Variants in RABGAP1L observed in about 807,000 individuals in gnomAD.
RABGAP1L encodes the protein RAB GTPase activating protein 1 like.
A neutral mutation model predicts 137.7 loss-of-function variants in RABGAP1L; 63 were observed. The ratio of observed to expected loss-of-function variants is 0.46; its 90% CI spans 0.37 to 0.56. The LOEUF is 0.56. Among genes scored for constraint, RABGAP1L ranks in the 20% least tolerant of loss-of-function variants. The pLI is 0.00. For missense variants in RABGAP1L, 1,095 were observed against 1,244.0 expected (o/e 0.88, Z 1.80); for synonymous variants, 431 against 433.7 (o/e 0.99, Z 0.08).
intron 13 of RABGAP1L, among the ~76,000 whole-genome samples, chr1:174,495,727 G>T (rs991844666): frequency 2.0e-5 from 3 of 151,984 alleles, no homozygotes; most frequent in Non-Finnish European, 2.9e-5. Context: ...TTTTTAATTA[G>T]TTATAGTAAT....
chr1:174,482,554 A>C (rs1377637136), intron 13 of RABGAP1L, among the ~76,000 whole-genome samples: 1 of 152,208 alleles, frequency 6.6e-6, no homozygotes, highest in Non-Finnish European at 1.5e-5. Flanking sequence ...GCAGTGGCAC[A>C]ATCTGGGCTC....
At chr1:174,318,716 C>G (rs1400936226) in intron 11 of RABGAP1L, among the ~76,000 whole-genome samples, 5 of 150,180 alleles carry the variant, frequency 3.3e-5, no homozygotes, top group South Asian at 2.1e-4. Flanking sequence ...TTTATAATGG[C>G]ATACTTTATT....
chr1:174,774,324 C>T (rs566437601), intron 18 of RABGAP1L, among the ~76,000 whole-genome samples: 1 of 152,238 alleles, frequency 6.6e-6, no homozygotes, highest in African/African-American at 2.4e-5. Context: ...AGAGCCATGG[C>T]TCATGCCTGT....
chr1:174,939,869 C>G (rs944825270), intron 19 of RABGAP1L, among the ~76,000 whole-genome samples: 1 of 152,236 alleles, frequency 6.6e-6, no homozygotes, highest in Non-Finnish European at 1.5e-5. Context: ...TAGTCTTTAT[C>G]TGTTTCTTTT....
chr1:174,396,551 AG>A (rs1274345508), intron 13 of RABGAP1L, among the ~76,000 whole-genome samples: 1 of 151,974 alleles, frequency 6.6e-6, no homozygotes, highest in African/African-American at 2.4e-5. Flanking sequence ...AAATTTTCAG[AG>A]ATCATAACTC....
intron 14 of RABGAP1L, among the ~76,000 whole-genome samples, chr1:174,656,372 C>T (rs188266071): frequency 1.3e-5 from 2 of 151,824 alleles, no homozygotes; most frequent in African/African-American, 4.8e-5. Context: ...GCAGGAGAAT[C>T]ACTTAAACCT....
chr1:174,601,957 G>T (rs544176475), intron 13 of RABGAP1L, among the ~76,000 whole-genome samples: 1 of 152,062 alleles, frequency 6.6e-6, no homozygotes, highest in African/African-American at 2.4e-5. Flanking sequence ...CTGAGACCAC[G>T]TAAGCCTGGA....
chr1:174,468,151 T>C (rs537745184), intron 13 of RABGAP1L, among the ~76,000 whole-genome samples: 1 of 152,128 alleles, frequency 6.6e-6, no homozygotes, highest in Non-Finnish European at 1.5e-5. Context: ...TACTTATTTA[T>C]TTACCTTATT....
intron 12 of RABGAP1L, among the ~76,000 whole-genome samples, chr1:174,372,078 G>T (rs1685156024): frequency 6.6e-6 from 1 of 152,058 alleles, no homozygotes; most frequent in Admixed American, 6.6e-5. Flanking sequence ...TTTAAGCAAA[G>T]AAAATTTCAT....
chr1:174,265,072 T>C (rs1322154764), intron 7 of RABGAP1L, among the ~76,000 whole-genome samples: 3 of 152,168 alleles, frequency 2.0e-5, no homozygotes, highest in Non-Finnish European at 2.9e-5. Context: ...AGGAGAAAAA[T>C]GGACTTTTGT....
chr1:174,603,439 C>T (rs959912659), intron 13 of RABGAP1L, among the ~76,000 whole-genome samples: 2 of 152,022 alleles, frequency 1.3e-5, no homozygotes, highest in East Asian at 1.9e-4. Flanking sequence ...TGTCCAAATC[C>T]GGAGGCGACC....
intron 13 of RABGAP1L, among the ~76,000 whole-genome samples, chr1:174,435,432 T>C (rs762353453): frequency 6.6e-6 from 1 of 152,180 alleles, no homozygotes; most frequent in Non-Finnish European, 1.5e-5. Context: ...CCATATCATT[T>C]AAATTTTTCT....
chr1:174,511,335 T>C (rs577430668), intron 13 of RABGAP1L, among the ~76,000 whole-genome samples: 11 of 152,342 alleles, frequency 7.2e-5, no homozygotes, highest in Non-Finnish European at 1.5e-4. Context: ...CTGATAAATA[T>C]GCAATTTTCT....
intron 13 of RABGAP1L, among the ~76,000 whole-genome samples, chr1:174,621,127 C>G (rs569866396): frequency 2.6e-5 from 4 of 152,224 alleles, no homozygotes; most frequent in Admixed American, 6.5e-5. Context: ...AATAAAATAC[C>G]TAGGAATCCA....
intron 17 of RABGAP1L, among the ~76,000 whole-genome samples, chr1:174,723,281 G>A (rs760868977): frequency 6.6e-6 from 1 of 151,910 alleles, no homozygotes; most frequent in Non-Finnish European, 1.5e-5. Flanking sequence ...CACCATGTTG[G>A]CCAGGCTGGT....
chr1:174,806,220 T>C (rs1689285340), intron 18 of RABGAP1L, among the ~76,000 whole-genome samples: 1 of 152,230 alleles, frequency 6.6e-6, no homozygotes, highest in Admixed American at 6.5e-5. Context: ...TCGTTAAGCC[T>C]CTTCATTGTC....
chr1:174,504,899 C>T (rs1246407350), intron 13 of RABGAP1L, among the ~76,000 whole-genome samples: 1 of 152,104 alleles, frequency 6.6e-6, no homozygotes, highest in Non-Finnish European at 1.5e-5. Context: ...AAAGCTTCTG[C>T]ACAGCAAAAG....
At chr1:174,883,601 C>A (rs949688034) in intron 19 of RABGAP1L, among the ~76,000 whole-genome samples, 1 of 152,032 alleles carries the variant, frequency 6.6e-6, no homozygotes, top group Non-Finnish European at 1.5e-5. Context: ...CAATGTAGAA[C>A]CAATAGAAGG....
chr1:174,837,419 T>C (rs1231697996), intron 19 of RABGAP1L, among the ~76,000 whole-genome samples: 1 of 152,202 alleles, frequency 6.6e-6, no homozygotes, highest in Non-Finnish European at 1.5e-5. Context: ...ATCTTCTACT[T>C]GTGTACTCTA....
Sources: gnomAD v4.1 joint callset for allele counts (sites outside exome capture counted in the v4.1 genomes callset) on GRCh38, gnomAD v4.1.1 for gene constraint, MANE v1.5 for transcripts, NCBI Gene and HGNC (gene_info 2026-07-23, HGNC 2026-07-21) for gene names.